WDR37: variants seen among roughly 807,000 people sequenced by gnomAD.
WDR37 encodes the protein WD repeat-containing protein 37.
A neutral mutation model predicts 62.9 loss-of-function variants in WDR37; 19 were observed. The ratio of observed to expected loss-of-function variants is 0.30; its 90% CI spans 0.21 to 0.44. The LOEUF is 0.44. Ranked by LOEUF, WDR37 falls within the 20% of genes least tolerant of loss-of-function variation. The pLI, the probability that WDR37 is intolerant of heterozygous loss-of-function variation, is 1.00. For synonymous variants in WDR37, 250 were observed against 260.9 expected (o/e 0.96, Z 0.40); for missense variants, 474 against 657.6 (o/e 0.72, Z 3.05).
chr10:1,129,340 A>G lies in WDR37; in HGVS notation c.1481A>G (p.Lys494Arg), dbSNP rs1835907340. 6.2e-7 allele frequency: 1 copy of G among 1,613,998 alleles called. No homozygotes were observed. Among genetic ancestry groups the G allele is most frequent in the Non-Finnish European group, 8.5e-7 (1 of 1,179,968 alleles). Residue 494 changes from lysine (K) to arginine (R), a missense_variant, in exon 14 of 14, where the codon AAA becomes AGA. Coordinates refer to ENST00000263150, the MANE Select transcript of WDR37 (RefSeq NM_014023.4). ...NINIPALLQEK is the reference protein window; with the variant it reads ...NINIPALLQER ...AACATCCCTGCATTGCTACAAGAAA[A>G]ATAAGGACACCGGCAGCCCTTAGTT... is the stretch of plus-strand genomic sequence containing the variant.
At position 1,069,389 on chromosome 10, in the gene WDR37, A is replaced by ATATATATATATATTTTTTT; in HGVS notation, c.-40-2726_-40-2725insATATATATATATTTTTTTT. Among the ~76,000 whole-genome samples, 14 of 95,802 alleles carry ATATATATATATATTTTTTT rather than the reference A, an allele frequency of 1.5e-4. 1 individual carries two copies. Among genetic ancestry groups the ATATATATATATATTTTTTT allele is most frequent in the African/African-American group, 6.1e-4 (13 of 21,332 alleles). 62.8% of individuals were successfully genotyped at this position (95,802 alleles called of 152,430 possible). A position where few individuals can be genotyped will look rare whatever the true frequency, so the allele number is the denominator to read the frequency against. On this transcript the variant is annotated intron_variant, in intron 1 of 13. Transcript: ENST00000263150. The stretch of plus-strand genomic sequence containing the variant: ...GGAAAGAATATATATATATATATAT[A>ATATATATATATATTTTTTT]TTTTTTTTTTTTTTTTTTGCAGCAG...
chr10:1,088,448 G>A (rs1421185798), intron 7 of WDR37, among the ~76,000 whole-genome samples: 1 of 152,100 alleles, frequency 6.6e-6, no homozygotes, highest in African/African-American at 2.4e-5. Context: ...TTATGAATTG[G>A]CCTAATTTTA....
At chr10:1,092,249 G>C (rs893146864) in intron 7 of WDR37, among the ~76,000 whole-genome samples, 1 of 151,764 alleles carries the variant, frequency 6.6e-6, no homozygotes, top group Non-Finnish European at 1.5e-5. Context: ...GCTCACGCCT[G>C]TAATCCCAGC....
At chr10:1,107,246 G>A (rs532190846) in intron 11 of WDR37, among the ~76,000 whole-genome samples, 2 of 152,352 alleles carry the variant, frequency 1.3e-5, no homozygotes, top group Non-Finnish European at 2.9e-5. Flanking sequence ...AGATGCAGAG[G>A]GGCCCCACAG....
intron 9 of WDR37, chr10:1,096,600 T>C (rs915046063): frequency 9.3e-5 from 25 of 270,248 alleles, no homozygotes; most frequent in African/African-American, 4.6e-4. Context: ...CCTCCAGCAC[T>C]GTGAGAAAAT....
At chr10:1,126,736 C>T (rs904648162) in intron 13 of WDR37, among the ~76,000 whole-genome samples, 2 of 152,190 alleles carry the variant, frequency 1.3e-5, no homozygotes, top group Non-Finnish European at 2.9e-5. Flanking sequence ...GAGGCACGTG[C>T]GAAAGTGGGG....
intron 5 of WDR37, among the ~76,000 whole-genome samples, 178 bp from the exon 6 acceptor site, chr10:1,084,225 C>T (rs560161945): frequency 3.8e-4 from 58 of 152,310 alleles, no homozygotes; most frequent in African/African-American, 1.3e-3. Context: ...GAGCTGAACC[C>T]GCCACCCTTT....
Position 1,093,435 on chromosome 10 carries a change from A to G in WDR37, c.605-17A>G, listed in dbSNP as rs1375335152. 1.9e-6 allele frequency: 3 copies of G among 1,601,108 alleles called. No individual in the cohort carries two copies. Among genetic ancestry groups the G allele is most frequent in the East Asian group, 4.5e-5 (2 of 44,738 alleles). ...TTGTCACTTTAAACCTGTTTTTATC[A>G]TATTTTTATTTTGCAGTAAATTCTA... is the stretch of plus-strand genomic sequence containing the variant. On this transcript the variant is annotated splice_polypyrimidine_tract_variant and intron_variant, in intron 7 of 13. Coordinates refer to ENST00000263150, the MANE Select transcript of WDR37 (RefSeq NM_014023.4).
chr10:1,094,045 T>C (rs1394296426), intron 8 of WDR37, among the ~76,000 whole-genome samples: 1 of 152,170 alleles, frequency 6.6e-6, no homozygotes, highest in Non-Finnish European at 1.5e-5. Flanking sequence ...TCCTGTGAGA[T>C]TGTCAGACCC....
chr10:1,112,337 C>T (rs546269033), intron 11 of WDR37, among the ~76,000 whole-genome samples: 3 of 152,306 alleles, frequency 2.0e-5, no homozygotes, highest in African/African-American at 4.8e-5. Flanking sequence ...TGAACTTAGT[C>T]GATAAATCGT....
intron 2 of WDR37, among the ~76,000 whole-genome samples, chr10:1,073,578 A>G (rs1833784921): frequency 6.6e-6 from 1 of 152,206 alleles, no homozygotes; most frequent in Non-Finnish European, 1.5e-5. Flanking sequence ...TTCTTAGTGT[A>G]TTACTTTGCT....
At chr10:1,116,296 GTC>G (rs1835396291) in intron 11 of WDR37, among the ~76,000 whole-genome samples, 1 of 150,190 alleles carries the variant, frequency 6.7e-6, no homozygotes, top group Non-Finnish European at 1.5e-5. Context: ...TCTCTGCCAT[GTC>G]TCTCAGTCCT....
intron 11 of WDR37, among the ~76,000 whole-genome samples, chr10:1,117,601 C>T (rs1225773274): frequency 1.3e-5 from 2 of 152,188 alleles, no homozygotes. Context: ...AGGCTATTGA[C>T]ACATACTCAA....
At chr10:1,127,072 T>C (rs867702062) in intron 13 of WDR37, among the ~76,000 whole-genome samples, 17 of 152,366 alleles carry the variant, frequency 1.1e-4, no homozygotes, top group Middle Eastern at 3.4e-3. Context: ...ATGTTCTCTT[T>C]TCAATGTGCC....
At chr10:1,092,998 T>C (rs1834451841) in intron 7 of WDR37, among the ~76,000 whole-genome samples, 1 of 151,710 alleles carries the variant, frequency 6.6e-6, no homozygotes, top group Non-Finnish European at 1.5e-5. Context: ...GCAGAGGTTA[T>C]ACTCTCTGGG....
intron 1 of WDR37, among the ~76,000 whole-genome samples, chr10:1,070,711 ACT>A (rs1316239392): frequency 6.6e-6 from 1 of 152,182 alleles, no homozygotes; most frequent in East Asian, 1.9e-4. Context: ...TATGGAAGAC[ACT>A]CTAAATTTTT....
intron 8 of WDR37, among the ~76,000 whole-genome samples, chr10:1,095,241 G>A (rs1834535512): frequency 6.6e-6 from 1 of 150,884 alleles, no homozygotes; most frequent in Admixed American, 6.6e-5. Flanking sequence ...GAAACGTGAG[G>A]TAATGGGCAT....
intron 1 of WDR37, among the ~76,000 whole-genome samples, chr10:1,060,041 G>A (rs771536648): frequency 3.3e-5 from 5 of 152,128 alleles, no homozygotes; most frequent in African/African-American, 4.8e-5. Context: ...ACTTCACCAT[G>A]TTGGCCAGGC....
intron 11 of WDR37, among the ~76,000 whole-genome samples, chr10:1,106,154 A>G (rs1442625604): frequency 1.3e-5 from 2 of 152,124 alleles, no homozygotes; most frequent in East Asian, 3.9e-4. Flanking sequence ...GGCCCTGCTC[A>G]GTCAATGATG....
Sources: allele counts gnomAD v4.1 joint callset (sites outside exome capture counted in the v4.1 genomes callset), GRCh38; gene constraint gnomAD v4.1.1; transcripts MANE v1.5; gene names NCBI Gene and HGNC (gene_info 2026-07-23, HGNC 2026-07-21).